TNR: variants seen among roughly 807,000 people sequenced by gnomAD.
The protein encoded by TNR is tenascin R.
In TNR, 45 loss-of-function variants were observed where a neutral mutation model predicts 150.4. The observed-to-expected ratio is 0.30, with a 90% CI of 0.24 to 0.38. The LOEUF is 0.38. Among genes scored for constraint, TNR ranks in the 10% least tolerant of loss-of-function variants. The pLI is 1.00. For missense variants in TNR, 1,544 were observed against 1,759.1 expected (o/e 0.88, Z 2.19); for synonymous variants, 687 against 678.4 (o/e 1.01, Z -0.20).
intron 2 of TNR, among the ~76,000 whole-genome samples, chr1:175,415,190 C>T (rs1654384640): frequency 6.7e-6 from 1 of 150,004 alleles, no homozygotes; most frequent in African/African-American, 2.5e-5. Flanking sequence ...ATAGTTTCCT[C>T]CCTGCCGTTG....
intron 2 of TNR, among the ~76,000 whole-genome samples, chr1:175,461,809 G>T (rs1363641707): frequency 6.6e-6 from 1 of 151,908 alleles, no homozygotes; most frequent in Non-Finnish European, 1.5e-5. Context: ...CTTCTCACAT[G>T]TCCTGGGCCT....
At chr1:175,427,926 C>CTTCCTTCA (rs1655088076) in intron 2 of TNR, among the ~76,000 whole-genome samples, 1 of 146,908 alleles carries the variant, frequency 6.8e-6, no homozygotes, top group East Asian at 2.0e-4. Flanking sequence ...TCCTTCCTTC[C>CTTCCTTCA]TTCCTGTCTC....
Position 175,403,422 on chromosome 1 carries a change from CG to C in TNR, c.693del (p.Glu232AsnfsTer33). The C allele has an allele frequency of 6.2e-7, 1 of 1,614,224 alleles. No homozygotes were observed. The highest frequency in any genetic ancestry group is 8.5e-7 in the Non-Finnish European group (1 of 1,180,040). The stretch of plus-strand genomic sequence containing the variant: ...CTGCAGTCTGTTGGGCACCGGAGTT[CG>C]GAACAGTCATCCCCGCTGTACTCGC... ...CDSEYSGDDC[S>X]ELRCPTDCSS... On this transcript the variant is annotated frameshift_variant, in exon 4 of 23. Coordinates refer to ENST00000367674, the MANE Select transcript of TNR (RefSeq NM_003285.3). LOFTEE classifies it high-confidence loss of function.
At chr1:175,627,915 A>G (rs146089709) in intron 1 of TNR, among the ~76,000 whole-genome samples, 2 of 152,314 alleles carry the variant, frequency 1.3e-5, no homozygotes, top group Non-Finnish European at 2.9e-5. Flanking sequence ...GGTCTGTAAA[A>G]GCCGAAGAAG....
chr1:175,574,968 T>G (rs1442028400), intron 1 of TNR, among the ~76,000 whole-genome samples: 2 of 152,256 alleles, frequency 1.3e-5, no homozygotes, highest in African/African-American at 2.4e-5. Flanking sequence ...ATGTAGCACA[T>G]TCCTCATGGA....
At chr1:175,450,447 C>A (rs1264809764) in intron 2 of TNR, among the ~76,000 whole-genome samples, 2 of 152,248 alleles carry the variant, frequency 1.3e-5, no homozygotes. Context: ...GGGAGACCTC[C>A]CTGATAGCCG....
In TNR at chr1:175,673,028, C is replaced by T. The variant is rs544048711; in HGVS notation, c.-165+70198G>A. Among the ~76,000 whole-genome samples the T allele has an allele frequency of 2.3e-4, 35 of 152,236 alleles. No homozygotes were observed. The South Asian group carries it at 6.9e-3, about 30-fold the overall frequency. ...AGCAGCATCCTCTGACCTCTGAAGC[C>T]ACACAGGGCCCTTACCAGTCTCAGA... is the stretch of plus-strand genomic sequence containing the variant. On this transcript the variant is annotated intron_variant, in intron 1 of 22. Coordinates refer to ENST00000367674, the MANE Select transcript of TNR (RefSeq NM_003285.3).
chr1:175,330,975 C>T (rs999480005), intron 20 of TNR, among the ~76,000 whole-genome samples: 1 of 151,606 alleles, frequency 6.6e-6, no homozygotes, highest in Admixed American at 6.6e-5. Context: ...CCAGGTTAGG[C>T]AGAGTCCAGA....
chr1:175,730,729 T>C (rs1049240201), intron 1 of TNR, among the ~76,000 whole-genome samples: 4 of 152,132 alleles, frequency 2.6e-5, no homozygotes, highest in Admixed American at 2.0e-4. Context: ...ATATACTATG[T>C]TGGCTGGTGA....
intron 1 of TNR, among the ~76,000 whole-genome samples, chr1:175,670,087 A>G (rs1017816081): frequency 6.6e-6 from 1 of 152,228 alleles, no homozygotes. Context: ...GTAGTCAGCC[A>G]GCAGGAACAG....
chr1:175,715,891 C>T (rs1032284032), intron 1 of TNR, among the ~76,000 whole-genome samples: 3 of 152,130 alleles, frequency 2.0e-5, no homozygotes, highest in African/African-American at 7.2e-5. Context: ...GTGTTTCTGG[C>T]GAGGGAGAGC....
chr1:175,612,288 T>C (rs747556526), intron 1 of TNR, among the ~76,000 whole-genome samples: 2 of 152,192 alleles, frequency 1.3e-5, no homozygotes, highest in Non-Finnish European at 2.9e-5. Flanking sequence ...CTAAAAGGTG[T>C]TCCAGCAACG....
At chr1:175,329,008 G>A (rs1649568778) in intron 21 of TNR, among the ~76,000 whole-genome samples, 1 of 152,156 alleles carries the variant, frequency 6.6e-6, no homozygotes, top group Non-Finnish European at 1.5e-5. Context: ...GTGGCAAATT[G>A]GGCCTTTTGT....
At chr1:175,528,955 A>G (rs1449595419) in intron 1 of TNR, among the ~76,000 whole-genome samples, 2 of 152,244 alleles carry the variant, frequency 1.3e-5, no homozygotes, top group Non-Finnish European at 2.9e-5. Context: ...TTCAACAAAG[A>G]AGGAATAAAT....
chr1:175,669,540 T>C (rs1194713644), intron 1 of TNR, among the ~76,000 whole-genome samples: 1 of 152,202 alleles, frequency 6.6e-6, no homozygotes, highest in Non-Finnish European at 1.5e-5. Flanking sequence ...CTTCAGGTGT[T>C]CCTCTCACAG....
chr1:175,410,729 C>G (rs539552902), intron 2 of TNR, among the ~76,000 whole-genome samples: 1 of 152,322 alleles, frequency 6.6e-6, no homozygotes, highest in South Asian at 2.1e-4. Flanking sequence ...AGAGCTTTCT[C>G]TCTCTGGAGG....
intron 2 of TNR, 112 bp from the exon 3 acceptor site, chr1:175,406,889 G>C: frequency 1.3e-6 from 1 of 755,954 alleles, no homozygotes; most frequent in African/African-American, 1.8e-5. Context: ...TTCAAGGGGG[G>C]GGCGTCAGGA....
At chr1:175,640,570 G>A (rs1366143901) in intron 1 of TNR, among the ~76,000 whole-genome samples, 1 of 152,098 alleles carries the variant, frequency 6.6e-6, no homozygotes, top group Non-Finnish European at 1.5e-5. Flanking sequence ...CCCATATTTA[G>A]TGGTTCTTTA....
chr1:175,424,509 G>A (rs1353734255), intron 2 of TNR, among the ~76,000 whole-genome samples: 5 of 152,190 alleles, frequency 3.3e-5, no homozygotes, highest in Non-Finnish European at 7.3e-5. Context: ...AGCTCTTGTA[G>A]GGGGCATTTT....
Sources: allele counts gnomAD v4.1 joint callset (sites outside exome capture counted in the v4.1 genomes callset), GRCh38; gene constraint gnomAD v4.1.1; transcripts MANE v1.5; gene names NCBI Gene and HGNC (gene_info 2026-07-23, HGNC 2026-07-21).